The following PRRC2A variants were observed in gnomAD, a reference collection of about 807,000 sequenced individuals.
PRRC2A encodes proline rich coiled-coil 2A.
PRRC2A carries 59 observed loss-of-function variants against 224.6 expected under a neutral mutation model. That is an observed-to-expected ratio of 0.26 (90% CI 0.21 to 0.33). The LOEUF (loss-of-function observed/expected upper bound fraction) is 0.33, where lower values mean the gene tolerates loss of function less well. PRRC2A is among the 10% of genes least tolerant of loss of function. PRRC2A has a pLI of 1.00. For missense variants in PRRC2A, 3,095 were observed against 2,880.7 expected (o/e 1.07, Z -1.70); for synonymous variants, 1,194 against 1,109.5 (o/e 1.08, Z -1.51).
In PRRC2A at chr6:31,624,341, G is replaced by A. The variant is rs749427097; in HGVS notation, c.371G>A (p.Arg124Gln). ...SQTPASNQPK[R>Q]PPAAPENTPL... The stretch of plus-strand genomic sequence containing the variant: ...ACGCCTGCCTCCAACCAGCCGAAAC[G>A]ACCCCCAGCAGCCCCCGAGGTACCT... The change falls in exon 4 of 31, where the codon CGA becomes CAA. Residue 124 changes from arginine to glutamine, a missense_variant. Coordinates refer to ENST00000376033, the MANE Select transcript of PRRC2A (RefSeq NM_004638.4). 207 of 1,614,022 alleles carry A rather than the reference G, an allele frequency of 1.3e-4. No individual in the cohort carries two copies. Among genetic ancestry groups the A allele is most frequent in the Non-Finnish European group, 1.7e-4 (201 of 1,179,958 alleles).
chr6:31,632,380 A>G lies in PRRC2A; in HGVS notation c.3707A>G (p.Asp1236Gly), dbSNP rs1378628004. The G allele has an allele frequency of 1.2e-6, 2 of 1,611,946 alleles. No homozygotes were observed. Among genetic ancestry groups the G allele is most frequent in the Non-Finnish European group, 1.7e-6 (2 of 1,179,116 alleles). The change falls in exon 16 of 31, where the codon GAT (aspartate) becomes GGT (glycine). Residue 1236 changes from aspartate to glycine, a missense_variant. Transcript: ENST00000376033. ...SNGGSNVGME[D>G]GERPRRRRHG... ...GGAGGTAGCAATGTGGGCATGGAAG[A>G]TGGGGAGCGACCCCGAAGGAGGCGA...
chr6:31,633,809 A>C (rs753794707), intron 17 of PRRC2A, 50 bp from the exon 18 acceptor site: 1 of 1,540,208 alleles, frequency 6.5e-7, no homozygotes, highest in African/African-American at 1.4e-5. Flanking sequence ...AGGAAAAGTT[A>C]GGGTCAGTGG....
At chr6:31,623,265 T>A in intron 2 of PRRC2A, 1 of 234,820 alleles carries the variant, frequency 4.3e-6, no homozygotes, top group Non-Finnish European at 8.4e-6. Context: ...ATAGATTTTT[T>A]TTTTTTTTTT....
At position 31,627,630 on chromosome 6, in the gene PRRC2A, A is replaced by G. The variant is rs755369284; in HGVS notation, c.1291-135A>G. The G allele has an allele frequency of 2.0e-4, 228 of 1,150,260 alleles. No individual in the cohort carries two copies. Among genetic ancestry groups the G allele is most frequent in the Non-Finnish European group, 2.5e-4 (212 of 833,494 alleles). The allele number at this position is 1,150,260 out of a possible 1,614,324, so 71.3% of individuals were successfully genotyped here. ...AGAAGACCAGGATAATGAGTTTGTC[A>G]CCACCCAGAGAGATCAACCCCAAAG... On this transcript the variant is annotated intron_variant, in intron 11 of 30. Transcript: ENST00000376033. The surrounding 1 kb of genome is among the most constrained non-coding windows in gnomAD (Gnocchi z 5.6).
rs754863945 is a variant in PRRC2A at position 31,631,536 on chromosome 6, C to T, written c.2863C>T (p.Pro955Ser). The part of the protein sequence containing the change: ...PPRRAGPIKK[P>S]PPPTKVEELP... The stretch of plus-strand genomic sequence containing the variant: ...CCGCCGGGCTGGGCCTATAAAGAAA[C>T]CTCCACCACCTACAAAAGTAGAAGA... The change falls in exon 16 of 31, where the codon CCT (proline) becomes TCT (serine). Residue 955 changes from proline (P) to serine (S), a missense_variant. By Grantham distance (74) the Pro-to-Ser change is moderately conservative (BLOSUM62 -1). Around this residue, in one of 8 missense-constraint regions of PRRC2A, gnomAD observed 2,001 missense variants for 1,764.9 expected, o/e 1.13. Coordinates refer to ENST00000376033, the MANE Select transcript of PRRC2A (RefSeq NM_004638.4). The surrounding 1 kb of genome is among the most constrained non-coding windows in gnomAD (Gnocchi z 4.5). The T allele has an allele frequency of 2.8e-5, 44 of 1,593,640 alleles. No individual in the cohort carries two copies. The highest frequency in any genetic ancestry group is 1.5e-4 in the South Asian group (13 of 88,542).
chr6:31,636,279 G>A lies in PRRC2A; in HGVS notation c.5695G>A (p.Gly1899Ser), dbSNP rs751498346. 5.0e-6 allele frequency: 8 copies of A among 1,612,926 alleles called. No homozygotes were observed. In the Admixed American group the frequency reaches 1.2e-4, roughly 24 times the overall value. Residue 1899 changes from glycine (G) to serine (S), a missense_variant, in exon 26 of 31, where the codon GGC becomes AGC. By Grantham distance (56) the Gly-to-Ser change is moderately conservative. Transcript: ENST00000376033. This position sits in a 1 kb window ranked among gnomAD's most constrained non-coding sequence, Gnocchi z 4.3. ...ACTGCTCTCTGGGTTAGCTCTCAAG[G>A]GCCAGTTTCTGGATTTCTCCACAAT... is the stretch of plus-strand genomic sequence containing the variant. ...SALLSGLALK[G>S]QFLDFSTMQA...
At position 31,632,697 on chromosome 6, in the gene PRRC2A, C is replaced by T. The variant is rs139397513; in HGVS notation, c.4024C>T (p.Pro1342Ser). 99 of 1,613,016 alleles carry T rather than the reference C, an allele frequency of 6.1e-5. No homozygotes were observed. Among genetic ancestry groups the T allele is most frequent in the Non-Finnish European group, 7.4e-5 (87 of 1,180,046 alleles). Reference protein sequence around the residue: ...SERRGDKEAPPPVLLTPKAVG... With the variant: ...SERRGDKEAPSPVLLTPKAVG... ...GCGCCGAGGGGACAAAGAGGCACCC[C>T]CACCAGTACTGCTGACACCCAAGGC... Residue 1342 changes from proline to serine, a missense_variant, in exon 16 of 31, where the codon CCA (proline) becomes TCA (serine). Around this residue, in one of 8 missense-constraint regions of PRRC2A, gnomAD observed 2,001 missense variants for 1,764.9 expected, o/e 1.13. Transcript: ENST00000376033.
In PRRC2A at chr6:31,636,561, C is replaced by A. The variant is rs372002388; in HGVS notation, c.5887C>A (p.Pro1963Thr). 1 of 1,608,518 alleles carries A rather than the reference C, an allele frequency of 6.2e-7. No individual in the cohort carries two copies. Among genetic ancestry groups the A allele is most frequent in the Admixed American group, 1.7e-5 (1 of 59,248 alleles). ...GGATTTTTATTCTACTCCTCTGCAG[C>A]CTGGTGGCCAAAGTGGCTTTCTCCC... is the stretch of plus-strand genomic sequence containing the variant. Reference protein sequence around the residue: ...PSDFYSTPLQPGGQSGFLPSG... With the variant: ...PSDFYSTPLQTGGQSGFLPSG... The change falls in exon 27 of 31, where the codon CCT becomes ACT. Residue 1963 changes from proline (P) to threonine (T), a missense_variant. Pro to Thr is a conservative substitution (Grantham distance 38, BLOSUM62 -1). This residue lies in a region of PRRC2A where 662 missense variants were observed against 609.5 expected (regional missense o/e 1.09). Coordinates refer to ENST00000376033, the MANE Select transcript of PRRC2A (RefSeq NM_004638.4). The surrounding 1 kb of genome is among the most constrained non-coding windows in gnomAD (Gnocchi z 4.3).
chr6:31,627,291 G>C lies in PRRC2A; in HGVS notation c.1290+93G>C, dbSNP rs1776024728. 4.2e-6 allele frequency: 4 copies of C among 961,120 alleles called. No individual in the cohort carries two copies. The highest frequency in any genetic ancestry group is 6.2e-6 in the Non-Finnish European group (4 of 645,482). 59.5% of individuals were successfully genotyped at this position (961,120 alleles called of 1,614,324 possible). ...GCGGTTGTGATATAGAGGAAGGGGG[G>C]TGCTAAAAATGGGCTGTGTGAAGTG... is the stretch of plus-strand genomic sequence containing the variant. On this transcript the variant is annotated intron_variant, in intron 11 of 30. Coordinates refer to ENST00000376033, the MANE Select transcript of PRRC2A (RefSeq NM_004638.4). This position sits in a 1 kb window ranked among gnomAD's most constrained non-coding sequence, Gnocchi z 5.6.
At chr6:31,630,118 A>C (rs915534751) in intron 14 of PRRC2A, among the ~76,000 whole-genome samples, 1 of 152,142 alleles carries the variant, frequency 6.6e-6, no homozygotes, top group African/African-American at 2.4e-5. Context: ...GGAGTTCGAG[A>C]CCACCATGGC....
rs1776290103 is a variant in PRRC2A, at chr6:31,629,477, T to C, written c.1957-71T>C. On this transcript the variant is annotated intron_variant, in intron 13 of 30. Coordinates refer to ENST00000376033, the MANE Select transcript of PRRC2A (RefSeq NM_004638.4). ...CACGCCAATTTCCCCTAGTCCAAGT[T>C]TTTTCTTTGCTGATTCCTTTGTCCA... 6 of 1,429,922 alleles carry C rather than the reference T, an allele frequency of 4.2e-6. No individual in the cohort carries two copies. The South Asian group carries it at 7.0e-5, about 17-fold the overall frequency. The allele number at this position is 1,429,922 out of a possible 1,614,324, so 88.6% of individuals were successfully genotyped here.
chr6:31,627,192 C>A lies in PRRC2A; in HGVS notation c.1284C>A (p.Asp428Glu). Reference protein sequence around the residue: ...GPAGNWGPPGDYPDRGGPPCK... With the variant: ...GPAGNWGPPGEYPDRGGPPCK... ...CCGGGAACTGGGGCCCCCCTGGGGACTACCCAGTGAGTGTCTCCAATAAGG... is the reference window on the plus strand; with the variant it reads ...CCGGGAACTGGGGCCCCCCTGGGGAATACCCAGTGAGTGTCTCCAATAAGG... The change falls in exon 11 of 31, where the codon GAC becomes GAA. Residue 428 changes from aspartate (D) to glutamate (E), a missense_variant. Around this residue, in one of 8 missense-constraint regions of PRRC2A, gnomAD observed 2,001 missense variants for 1,764.9 expected, o/e 1.13. Coordinates refer to ENST00000376033, the MANE Select transcript of PRRC2A (RefSeq NM_004638.4). This position sits in a 1 kb window ranked among gnomAD's most constrained non-coding sequence, Gnocchi z 5.6. 6.3e-7 allele frequency: 1 copy of A among 1,599,384 alleles called. No homozygotes were observed. The highest frequency in any genetic ancestry group is 8.6e-7 in the Non-Finnish European group (1 of 1,168,164).
chr6:31,622,156 G>A (rs1356267639), intron 1 of PRRC2A, among the ~76,000 whole-genome samples: 1 of 152,188 alleles, frequency 6.6e-6, no homozygotes, highest in Non-Finnish European at 1.5e-5. Flanking sequence ...TTCCGGCTGA[G>A]CAAGCTCATA....
At position 31,631,240 on chromosome 6, in the gene PRRC2A, T is replaced by A; in HGVS notation, c.2567T>A (p.Leu856Gln). 6.2e-7 allele frequency: 1 copy of A among 1,611,818 alleles called. No individual in the cohort carries two copies. Among genetic ancestry groups the A allele is most frequent in the East Asian group, 2.2e-5 (1 of 44,832 alleles). ...APGPPISRFPLEEPGPRPLPW... is the reference protein window; with the variant it reads ...APGPPISRFPQEEPGPRPLPW... ...GGGCCCCCAATCTCTCGCTTTCCTC[T>A]GGAGGAACCAGGGCCCCGTCCACTC... Residue 856 changes from leucine (L) to glutamine (Q), a missense_variant, in exon 16 of 31, where the codon CTG becomes CAG. Physicochemically the swap from Leu to Gln is moderately radical, Grantham distance 113. Around this residue, in one of 8 missense-constraint regions of PRRC2A, gnomAD observed 2,001 missense variants for 1,764.9 expected, o/e 1.13. Transcript: ENST00000376033. This position sits in a 1 kb window ranked among gnomAD's most constrained non-coding sequence, Gnocchi z 4.5.
At position 31,632,457 on chromosome 6, in the gene PRRC2A, C is replaced by A; in HGVS notation, c.3784C>A (p.Gln1262Lys). Reference protein sequence around the residue: ...DKPPRFRRLKQERENAARGSE... With the variant: ...DKPPRFRRLKKERENAARGSE... The stretch of plus-strand genomic sequence containing the variant: ...ACCGCCTCGTTTCCGGAGGCTGAAG[C>A]AGGAACGGGAGAATGCCGCAAGGGG... The change falls in exon 16 of 31, where the codon CAG becomes AAG. Residue 1262 changes from glutamine to lysine, a missense_variant. Coordinates refer to ENST00000376033, the MANE Select transcript of PRRC2A (RefSeq NM_004638.4). 6.2e-7 allele frequency: 1 copy of A among 1,605,520 alleles called. No individual in the cohort carries two copies. The highest frequency in any genetic ancestry group is 8.5e-7 in the Non-Finnish European group (1 of 1,174,944).
rs540678007 is a variant in PRRC2A at position 31,625,077 on chromosome 6, C to T, written c.464-94C>T. On this transcript the variant is annotated intron_variant, in intron 5 of 30. Coordinates refer to ENST00000376033, the MANE Select transcript of PRRC2A (RefSeq NM_004638.4). The surrounding 1 kb of genome is among the most constrained non-coding windows in gnomAD (Gnocchi z 4.1). ...CCTCCCAGAGTGCTGGGATTACAGG[C>T]GTGAGCCACCGCGCCCAGCCAGAGT... 1.4e-6 allele frequency: 2 copies of T among 1,420,244 alleles called. No homozygotes were observed. Among genetic ancestry groups the T allele is most frequent in the South Asian group, 1.3e-5 (1 of 78,126 alleles). The allele number at this position is 1,420,244 out of a possible 1,614,324, so 88.0% of individuals were successfully genotyped here. A position where few individuals can be genotyped will look rare whatever the true frequency, so the allele number is the denominator to read the frequency against.
chr6:31,631,891 C>T lies in PRRC2A; in HGVS notation c.3218C>T (p.Pro1073Leu), dbSNP rs1776638392. 1.9e-6 allele frequency: 3 copies of T among 1,611,178 alleles called. No individual in the cohort carries two copies. Among genetic ancestry groups the T allele is most frequent in the African/African-American group, 1.3e-5 (1 of 74,900 alleles). The stretch of plus-strand genomic sequence containing the variant: ...GGGCGTGGAGGTGGGACAGGGGGAC[C>T]AAACCACCCTCCTGCTCCCCGAGGC... Reference protein sequence around the residue: ...DDGRGGGTGGPNHPPAPRGRT... With the variant: ...DDGRGGGTGGLNHPPAPRGRT... Residue 1073 changes from proline to leucine, a missense_variant, in exon 16 of 31, where the codon CCA (proline) becomes CTA (leucine). Transcript: ENST00000376033. The surrounding 1 kb of genome is among the most constrained non-coding windows in gnomAD (Gnocchi z 4.5).
chr6:31,627,285 AG>A lies in PRRC2A; in HGVS notation c.1290+93del, dbSNP rs1246281424. ...ATTGAAGCGGTTGTGATATAGAGGA[AG>A]GGGGGTGCTAAAAATGGGCTGTGTG... On this transcript the variant is annotated intron_variant, in intron 11 of 30. Coordinates refer to ENST00000376033, the MANE Select transcript of PRRC2A (RefSeq NM_004638.4). The surrounding 1 kb of genome is among the most constrained non-coding windows in gnomAD (Gnocchi z 5.6). The A allele has an allele frequency of 1.4e-5, 14 of 979,962 alleles. No homozygotes were observed. The highest frequency in any genetic ancestry group is 4.7e-5 in the South Asian group (3 of 63,874). 60.7% of individuals were successfully genotyped at this position (979,962 alleles called of 1,614,324 possible).
Position 31,627,175 on chromosome 6 carries a change from T to C in PRRC2A, c.1267T>C (p.Trp423Arg). ...PPPHRGPAGNWGPPGDYPDRG... is the reference protein window; with the variant it reads ...PPPHRGPAGNRGPPGDYPDRG... ...ACCTCACCGGGGCCCCGCCGGGAAC[T>C]GGGGCCCCCCTGGGGACTACCCAGT... Residue 423 changes from tryptophan to arginine, a missense_variant, in exon 11 of 31, where the codon TGG (tryptophan) becomes CGG (arginine). By Grantham distance (101) the Trp-to-Arg change is moderately radical (BLOSUM62 -3). This residue lies in a region of PRRC2A where 2,001 missense variants were observed against 1,764.9 expected (regional missense o/e 1.13). Coordinates refer to ENST00000376033, the MANE Select transcript of PRRC2A (RefSeq NM_004638.4). The surrounding 1 kb of genome is among the most constrained non-coding windows in gnomAD (Gnocchi z 5.6). The C allele has an allele frequency of 1.2e-6, 2 of 1,611,598 alleles. No individual in the cohort carries two copies. Among genetic ancestry groups the C allele is most frequent in the Non-Finnish European group, 8.5e-7 (1 of 1,178,508 alleles).
Sources: gnomAD v4.1 joint callset for allele counts (sites outside exome capture counted in the v4.1 genomes callset) on GRCh38, gnomAD v4.1.1 for gene constraint, gnomAD v4.1.1 regional missense constraint, Gnocchi (gnomAD v3.1) non-coding constraint, MANE v1.5 for transcripts, NCBI Gene and HGNC (gene_info 2026-07-23, HGNC 2026-07-21) for gene names.